SLC25A26: variants seen among roughly 807,000 people sequenced by gnomAD.
SLC25A26 encodes the protein mitochondrial S-adenosylmethionine carrier protein.
A neutral mutation model predicts 37.8 loss-of-function variants in SLC25A26; 36 were observed. The observed-to-expected ratio is 0.95, with a 90% CI of 0.73 to 1.26. The LOEUF is 1.26. Ranked by LOEUF, SLC25A26 falls within the 50% of genes most tolerant of loss-of-function variation. The pLI is 0.00. For synonymous variants in SLC25A26, 129 were observed against 122.5 expected (o/e 1.05, Z -0.35); for missense variants, 390 against 331.1 (o/e 1.18, Z -1.38).
intron 1 of SLC25A26, among the ~76,000 whole-genome samples, chr3:66,206,074 G>T (rs1463736407): frequency 6.6e-6 from 1 of 152,102 alleles, no homozygotes; most frequent in Non-Finnish European, 1.5e-5. Flanking sequence ...GGGAAGGCTG[G>T]GATATTTATG....
intron 1 of SLC25A26, among the ~76,000 whole-genome samples, chr3:66,141,287 T>C (rs1053757165): frequency 2.6e-5 from 4 of 151,648 alleles, no homozygotes; most frequent in Non-Finnish European, 4.4e-5. Context: ...TTTCTCGAGC[T>C]GGGGTCTTGC....
At chr3:66,181,615 G>A (rs961999824) in intron 1 of SLC25A26, among the ~76,000 whole-genome samples, 2 of 152,088 alleles carry the variant, frequency 1.3e-5, no homozygotes, top group Non-Finnish European at 2.9e-5. Flanking sequence ...ACTCAAGGGA[G>A]GAAGAAACCA....
chr3:66,222,109 G>A (rs1014876417), intron 1 of SLC25A26, among the ~76,000 whole-genome samples: 14 of 151,976 alleles, frequency 9.2e-5, no homozygotes, highest in Non-Finnish European at 1.6e-4. Flanking sequence ...CTTGTAGGAT[G>A]ATAGCTTTAA....
intron 5 of SLC25A26, among the ~76,000 whole-genome samples, chr3:66,294,459 A>G (rs2074828261): frequency 6.6e-6 from 1 of 152,120 alleles, no homozygotes; most frequent in Non-Finnish European, 1.5e-5. Flanking sequence ...CATGTCATTT[A>G]CTGAGTTTTT....
intron 5 of SLC25A26, chr3:66,304,343 A>G (rs1181772174): frequency 2.3e-6 from 1 of 435,146 alleles, no homozygotes; most frequent in Non-Finnish European, 4.6e-6. Context: ...AAGATTCTGG[A>G]GCATACTTTT....
chr3:66,338,446 T>C (rs1192211011), intron 5 of SLC25A26, among the ~76,000 whole-genome samples: 1 of 151,972 alleles, frequency 6.6e-6, no homozygotes, highest in Non-Finnish European at 1.5e-5. Context: ...AGTTGTTTGG[T>C]TTTCTCAGTC....
At chr3:66,266,785 T>C (rs1413813688) in intron 5 of SLC25A26, among the ~76,000 whole-genome samples, 3 of 152,152 alleles carry the variant, frequency 2.0e-5, no homozygotes, top group Non-Finnish European at 4.4e-5. Flanking sequence ...TGCAGTGATA[T>C]TACTGCAGTA....
intron 5 of SLC25A26, among the ~76,000 whole-genome samples, chr3:66,310,729 T>C (rs1303823523): frequency 6.6e-6 from 1 of 152,190 alleles, no homozygotes. Context: ...TGTAAAGGAT[T>C]TTATTTCTTC....
chr3:66,193,990 C>A (rs1219459453), intron 1 of SLC25A26, among the ~76,000 whole-genome samples: 7 of 152,102 alleles, frequency 4.6e-5, no homozygotes, highest in Non-Finnish European at 1.0e-4. Context: ...TGGAGCTTAA[C>A]GAAAATTCTT....
chr3:66,234,832 A>G (rs1266917875), intron 1 of SLC25A26, among the ~76,000 whole-genome samples: 1 of 152,124 alleles, frequency 6.6e-6, no homozygotes, highest in Non-Finnish European at 1.5e-5. Context: ...TTCCTTTGTC[A>G]TGAAATGTAT....
intron 3 of SLC25A26, among the ~76,000 whole-genome samples, chr3:66,247,498 A>T (rs2072904550): frequency 1.3e-5 from 2 of 152,096 alleles, no homozygotes; most frequent in Non-Finnish European, 2.9e-5. Context: ...TTTTGTAAAG[A>T]TGGGGTCTTA....
upstream of SLC25A26, chr3:66,220,823 G>A (rs2071449924): frequency 2.0e-5 from 11 of 539,274 alleles, no homozygotes; most frequent in South Asian, 1.5e-4. Context: ...AAGTTCCTCC[G>A]TCTAGCTGCA....
At chr3:66,170,621 G>A (rs1384778549) in intron 1 of SLC25A26, among the ~76,000 whole-genome samples, 1 of 151,930 alleles carries the variant, frequency 6.6e-6, no homozygotes, top group Non-Finnish European at 1.5e-5. Context: ...GAGAAACTGA[G>A]GTACTGAGGA....
chr3:66,351,444 C>T (rs549480669), intron 6 of SLC25A26, among the ~76,000 whole-genome samples: 1 of 152,264 alleles, frequency 6.6e-6, no homozygotes, highest in African/African-American at 2.4e-5. Context: ...GGCAGCCCAA[C>T]AAGAAGAGAA....
At chr3:66,304,619 C>T (rs751937499) in intron 5 of SLC25A26, 1 of 336,642 alleles carries the variant, frequency 3.0e-6, no homozygotes, top group Non-Finnish European at 5.9e-6. Context: ...TTCAGGAAAC[C>T]ATCGAGGTGT....
chr3:66,155,554 A>G (rs1023976814), intron 1 of SLC25A26, among the ~76,000 whole-genome samples: 5 of 152,146 alleles, frequency 3.3e-5, no homozygotes, highest in African/African-American at 4.8e-5. Flanking sequence ...AAAAAAGAAA[A>G]ATGCATTCAA....
chr3:66,147,046 TCCCTTCCCTTCCCTTCCCTC>T (rs1559550323), intron 1 of SLC25A26, among the ~76,000 whole-genome samples: 12 of 106,930 alleles, frequency 1.1e-4, no homozygotes, highest in African/African-American at 3.5e-4. Context: ...CGATGTATCT[TCCCTTCCCTTCCCTTCCCTC>T]CCCTTCCCTT....
chr3:66,201,940 A>C (rs1390413062), intron 1 of SLC25A26, among the ~76,000 whole-genome samples: 1 of 152,228 alleles, frequency 6.6e-6, no homozygotes, highest in Non-Finnish European at 1.5e-5. Flanking sequence ...TGAAAGCAGA[A>C]GTAAATGAAA....
chr3:66,224,720 TATCTG>T (rs1407015212), intron 1 of SLC25A26, among the ~76,000 whole-genome samples: 1 of 152,202 alleles, frequency 6.6e-6, no homozygotes, highest in Non-Finnish European at 1.5e-5. Context: ...TCCAAAGTCT[TATCTG>T]AGACAAAGCA....
Sources: allele counts gnomAD v4.1 joint callset (sites outside exome capture counted in the v4.1 genomes callset), GRCh38; gene constraint gnomAD v4.1.1; transcripts MANE v1.5; gene names NCBI Gene and HGNC (gene_info 2026-07-23, HGNC 2026-07-21).